The following CHSY1 variants were observed in gnomAD, a reference collection of about 807,000 sequenced individuals.
The protein encoded by CHSY1 is chondroitin sulfate synthase 1.
A neutral mutation model predicts 59.8 loss-of-function variants in CHSY1; 13 were observed. That is an observed-to-expected ratio of 0.22 (90% CI 0.14 to 0.35). CHSY1 has a LOEUF of 0.35. CHSY1 is among the 10% of genes least tolerant of loss of function. CHSY1 has a pLI of 1.00. For synonymous variants in CHSY1, 459 were observed against 401.2 expected (o/e 1.14, Z -1.72); for missense variants, 947 against 1,030.6 (o/e 0.92, Z 1.11).
At chr15:101,249,798 A>G (rs1257755768) in intron 1 of CHSY1, among the ~76,000 whole-genome samples, 1 of 152,180 alleles carries the variant, frequency 6.6e-6, no homozygotes, top group Non-Finnish European at 1.5e-5. Context: ...TACAGGCGTG[A>G]GCCACGGCGC....
At position 101,177,169 on chromosome 15, in the gene CHSY1, G is replaced by A; in HGVS notation, c.*219C>T. On this transcript the variant is annotated 3_prime_UTR_variant, in exon 3 of 3. Transcript: ENST00000254190. ...TTCATCAGGTACATTTCAAGTCAAA[G>A]TTAAGCAGGTCTGCTACATAATGTT... is the stretch of plus-strand genomic sequence containing the variant. 2.1e-6 allele frequency: 1 copy of A among 472,850 alleles called. No individual in the cohort carries two copies. The highest frequency in any genetic ancestry group is 3.8e-5 in the South Asian group (1 of 26,224). 29.3% of individuals were successfully genotyped at this position (472,850 alleles called of 1,614,324 possible).
chr15:101,250,661 T>G (rs2039097999), intron 1 of CHSY1, among the ~76,000 whole-genome samples: 2 of 152,122 alleles, frequency 1.3e-5, no homozygotes, highest in South Asian at 2.1e-4. Flanking sequence ...AACTGCGAAA[T>G]GTGAGAGTAT....
In CHSY1 at chr15:101,251,426, T is replaced by A; in HGVS notation, c.31A>T (p.Ser11Cys). The A allele has an allele frequency of 9.1e-7, 1 of 1,104,654 alleles. No individual in the cohort carries two copies. Among genetic ancestry groups the A allele is most frequent in the Non-Finnish European group, 1.1e-6 (1 of 893,486 alleles). The allele number at this position is 1,104,654 out of a possible 1,614,324, so 68.4% of individuals were successfully genotyped here. ...CCCAGGACGAGCCCGAGCAGCACGC[T>A]GAGCCAGGCGCGCCGGCCGCGCGCG... MAARGRRAWL[S>C]VLLGLVLGFV... Residue 11 changes from serine to cysteine, a missense_variant, in exon 1 of 3, where the codon AGC becomes TGC. Ser to Cys is a moderately radical substitution (Grantham distance 112). Coordinates refer to ENST00000254190, the MANE Select transcript of CHSY1 (RefSeq NM_014918.5).
rs763113290 is a variant in CHSY1 at position 101,177,557 on chromosome 15, T to C, written c.2240A>G (p.His747Arg). Residue 747 changes from histidine (H) to arginine (R), a missense_variant, in exon 3 of 3, where the codon CAT (histidine) becomes CGT (arginine). Coordinates refer to ENST00000254190, the MANE Select transcript of CHSY1 (RefSeq NM_014918.5). ...SQEVGVVHVH[H>R]PVFCDPNLDP... ...AAGATTGGGATCACAAAAGACAGGATGGTGGACGTGGACTACTCCTACTTC... is the reference window on the plus strand; with the variant it reads ...AAGATTGGGATCACAAAAGACAGGACGGTGGACGTGGACTACTCCTACTTC... 8.7e-6 allele frequency: 14 copies of C among 1,614,076 alleles called. No individual in the cohort carries two copies. The highest frequency in any genetic ancestry group is 1.2e-5 in the Non-Finnish European group (14 of 1,179,944).
chr15:101,186,965 T>A (rs1267692920), intron 2 of CHSY1, among the ~76,000 whole-genome samples: 2 of 152,222 alleles, frequency 1.3e-5, no homozygotes, highest in Non-Finnish European at 2.9e-5. Context: ...AGCTCTGACA[T>A]TCTTCTGCCC....
At chr15:101,249,268 T>C (rs1446076423) in intron 1 of CHSY1, among the ~76,000 whole-genome samples, 7 of 151,964 alleles carry the variant, frequency 4.6e-5, no homozygotes, top group African/African-American at 1.7e-4. Context: ...TCCCCAAAAC[T>C]GTGATTTCAC....
At chr15:101,209,193 T>C (rs1310622401) in intron 2 of CHSY1, among the ~76,000 whole-genome samples, 1 of 152,142 alleles carries the variant, frequency 6.6e-6, no homozygotes, top group Non-Finnish European at 1.5e-5. Context: ...CAAACCAAAA[T>C]CACAAACTGT....
chr15:101,195,401 A>G (rs2038493800), intron 2 of CHSY1, among the ~76,000 whole-genome samples: 1 of 152,250 alleles, frequency 6.6e-6, no homozygotes, highest in Admixed American at 6.5e-5. Context: ...ACCAAAGAAA[A>G]AGAGACATGA....
At chr15:101,205,650 T>C (rs951223432) in intron 2 of CHSY1, among the ~76,000 whole-genome samples, 2 of 152,178 alleles carry the variant, frequency 1.3e-5, no homozygotes, top group South Asian at 4.1e-4. Context: ...AAGTGAAGAA[T>C]TTTAATTTTG....
chr15:101,243,942 C>T (rs1488395405), intron 1 of CHSY1, among the ~76,000 whole-genome samples: 2 of 152,212 alleles, frequency 1.3e-5, no homozygotes, highest in African/African-American at 4.8e-5. Flanking sequence ...ACCTAGAAAA[C>T]CACAATTTCA....
At chr15:101,231,281 C>T (rs1217504674) in intron 2 of CHSY1, among the ~76,000 whole-genome samples, 1 of 152,146 alleles carries the variant, frequency 6.6e-6, no homozygotes, top group African/African-American at 2.4e-5. Context: ...TTTTATTTAC[C>T]AAATGGGAAA....
At position 101,251,387 on chromosome 15, in the gene CHSY1, A is replaced by C; in HGVS notation, c.70T>G (p.Ser24Ala). 1 of 1,165,676 alleles carries C rather than the reference A, an allele frequency of 8.6e-7. No individual in the cohort carries two copies. Among genetic ancestry groups the C allele is most frequent in the Non-Finnish European group, 1.1e-6 (1 of 925,988 alleles). The allele number at this position is 1,165,676 out of a possible 1,614,324, so 72.2% of individuals were successfully genotyped here. A position where few individuals can be genotyped will look rare whatever the true frequency, so the allele number is the denominator to read the frequency against. Residue 24 changes from serine to alanine, a missense_variant, in exon 1 of 3, where the codon TCG becomes GCG. Ser to Ala is a moderately conservative substitution (Grantham distance 99, BLOSUM62 1). This residue lies in a region of CHSY1 where 232 missense variants were observed against 188.5 expected (regional missense o/e 1.23). Transcript: ENST00000254190. ...GAAGCCCGGGGCAGGACGAGCCGCG[A>C]GGCCAGCACGAAGCCCAGGACGAGC... ...LGLVLGFVLA[S>A]RLVLPRASEL...
chr15:101,185,622 T>C (rs1376098324), intron 2 of CHSY1, among the ~76,000 whole-genome samples: 1 of 150,966 alleles, frequency 6.6e-6, no homozygotes, highest in African/African-American at 2.4e-5. Context: ...TGCTTCTGGA[T>C]GGAATCTTTG....
At chr15:101,239,981 T>C (rs951255203) in intron 1 of CHSY1, among the ~76,000 whole-genome samples, 1 of 152,182 alleles carries the variant, frequency 6.6e-6, no homozygotes, top group East Asian at 1.9e-4. Flanking sequence ...ATGGTGTAAT[T>C]TGCCCAAGAA....
intron 2 of CHSY1, among the ~76,000 whole-genome samples, chr15:101,198,137 C>T (rs970277093): frequency 6.6e-6 from 1 of 152,028 alleles, no homozygotes; most frequent in Admixed American, 6.6e-5. Context: ...GAGTGAGAGA[C>T]CCGCTCCCCT....
intron 1 of CHSY1, among the ~76,000 whole-genome samples, chr15:101,245,024 G>A (rs541429061): frequency 1.9e-4 from 29 of 152,272 alleles, no homozygotes; most frequent in African/African-American, 7.0e-4. Flanking sequence ...AACAGGTACC[G>A]GTCCTGTCCA....
chr15:101,181,280 G>A (rs1369728994), intron 2 of CHSY1, among the ~76,000 whole-genome samples: 1 of 152,252 alleles, frequency 6.6e-6, no homozygotes, highest in African/African-American at 2.4e-5. Context: ...AGTCATGACT[G>A]TCTGCTGTGA....
intron 2 of CHSY1, among the ~76,000 whole-genome samples, chr15:101,203,671 T>A (rs1028016135): frequency 4.6e-5 from 7 of 152,188 alleles, no homozygotes; most frequent in African/African-American, 1.7e-4. Flanking sequence ...AGATCAAAGT[T>A]AACACTGCCT....
chr15:101,250,933 G>T lies in CHSY1; in HGVS notation c.320+204C>A, dbSNP rs116458134. ...CACACTAGTCCATCTGACCCCAAAGGCCATGTTCCTGAGCGCCGCGCTCAC... is the reference window on the plus strand; with the variant it reads ...CACACTAGTCCATCTGACCCCAAAGTCCATGTTCCTGAGCGCCGCGCTCAC... On this transcript the variant is annotated intron_variant, in intron 1 of 2. Transcript: ENST00000254190. Among the ~76,000 whole-genome samples, 4,051 of 152,274 alleles carry T rather than the reference G, an allele frequency of 0.027. 173 individuals are homozygous for T. Among genetic ancestry groups the T allele is most frequent in the African/African-American group, 0.089 (3,707 of 41,544 alleles).
Sources: gnomAD v4.1 joint callset for allele counts (sites outside exome capture counted in the v4.1 genomes callset) on GRCh38, gnomAD v4.1.1 for gene constraint, gnomAD v4.1.1 regional missense constraint, MANE v1.5 for transcripts, NCBI Gene and HGNC (gene_info 2026-07-23, HGNC 2026-07-21) for gene names.